The following ENTREP2 variants were observed in gnomAD, a reference collection of about 807,000 sequenced individuals.
ENTREP2 encodes protein ENTREP2.
chr15:29,649,736 A>AAAG, the ENTREP2 span, among the ~76,000 whole-genome samples: 1 of 151,562 alleles, frequency 6.6e-6, no homozygotes, highest in African/African-American at 2.4e-5. Flanking sequence ...ACAAAAAAAA[A>AAAG]AAAAAAAAAG....
the ENTREP2 span, chr15:29,269,579 A>T: frequency 6.5e-7 from 1 of 1,540,726 alleles, no homozygotes; most frequent in Non-Finnish European, 8.7e-7. Flanking sequence ...TCCTCGGCAA[A>T]GCCGTCTCTG....
the ENTREP2 span, among the ~76,000 whole-genome samples, chr15:29,277,309 T>C: frequency 6.6e-6 from 1 of 151,914 alleles, no homozygotes; most frequent in East Asian, 1.9e-4. Context: ...GTCACTGCAC[T>C]TTAGCCTGGG....
the ENTREP2 span, among the ~76,000 whole-genome samples, chr15:29,307,210 A>G: frequency 0.029 from 4,419 of 152,320 alleles, 204 homozygotes; most frequent in African/African-American, 0.1. Flanking sequence ...ATACAAAAAA[A>G]ATTGACAATT....
the ENTREP2 span, among the ~76,000 whole-genome samples, chr15:29,221,639 T>C: frequency 6.6e-6 from 1 of 152,198 alleles, no homozygotes. Flanking sequence ...CCTCCCTGTC[T>C]TGCCTTCGTC....
chr15:29,511,625 C>T, the ENTREP2 span, among the ~76,000 whole-genome samples: 36 of 152,028 alleles, frequency 2.4e-4, no homozygotes, highest in Non-Finnish European at 4.3e-4. Context: ...CCACACCCGA[C>T]TGAGAGTGTC....
the ENTREP2 span, among the ~76,000 whole-genome samples, chr15:29,434,772 A>G: frequency 6.6e-6 from 1 of 152,174 alleles, no homozygotes; most frequent in East Asian, 1.9e-4. Context: ...GGCAGTGCAC[A>G]TGGAGTCTCA....
At chr15:29,394,460 A>G in the ENTREP2 span, among the ~76,000 whole-genome samples, 1 of 152,226 alleles carries the variant, frequency 6.6e-6, no homozygotes, top group Non-Finnish European at 1.5e-5. Context: ...CACAATAGTT[A>G]TAAGTGGCTC....
chr15:29,148,153 A>C, the ENTREP2 span, among the ~76,000 whole-genome samples: 1 of 152,228 alleles, frequency 6.6e-6, no homozygotes, highest in Non-Finnish European at 1.5e-5. Context: ...GGAAGGAAAT[A>C]GGGTGACTGC....
At chr15:29,189,990 A>G in the ENTREP2 span, among the ~76,000 whole-genome samples, 6 of 152,160 alleles carry the variant, frequency 3.9e-5, no homozygotes, top group East Asian at 1.2e-3. Flanking sequence ...TAATTTTTAG[A>G]CCCTATTTCC....
chr15:29,640,648 TCAAA>T, the ENTREP2 span, among the ~76,000 whole-genome samples: 1 of 120,396 alleles, frequency 8.3e-6, no homozygotes, highest in Non-Finnish European at 1.6e-5. Context: ...AGGGCCTGTC[TCAAA>T]CAAAACAAAA....
the ENTREP2 span, among the ~76,000 whole-genome samples, chr15:29,238,707 C>T: frequency 2.3e-4 from 35 of 152,038 alleles, no homozygotes; most frequent in African/African-American, 7.7e-4. Context: ...CATCTGCTGC[C>T]GGGGAGGCCT....
the ENTREP2 span, among the ~76,000 whole-genome samples, chr15:29,595,208 G>A: frequency 8.6e-5 from 13 of 151,780 alleles, no homozygotes; most frequent in East Asian, 9.7e-4. Context: ...AGCTGAGTTC[G>A]CGCCACTACG....
the ENTREP2 span, among the ~76,000 whole-genome samples, chr15:29,298,079 G>A: frequency 6.6e-6 from 1 of 152,140 alleles, no homozygotes; most frequent in Non-Finnish European, 1.5e-5. Flanking sequence ...TCTGACAACC[G>A]TATAATTAAG....
the ENTREP2 span, among the ~76,000 whole-genome samples, chr15:29,143,009 T>C: frequency 6.6e-6 from 1 of 152,250 alleles, no homozygotes; most frequent in African/African-American, 2.4e-5. Flanking sequence ...TCATCAGTTC[T>C]GACAATAGGC....
the ENTREP2 span, among the ~76,000 whole-genome samples, chr15:29,506,880 G>A: frequency 6.6e-6 from 1 of 152,188 alleles, no homozygotes; most frequent in African/African-American, 2.4e-5. Context: ...GGATCTTAAT[G>A]ACAGGATCAA....
chr15:29,138,761 C>G, the ENTREP2 span, among the ~76,000 whole-genome samples: 1 of 151,740 alleles, frequency 6.6e-6, no homozygotes, highest in Non-Finnish European at 1.5e-5. Context: ...TCACCCTACA[C>G]AAGCAAGGAC....
the ENTREP2 span, among the ~76,000 whole-genome samples, chr15:29,572,921 C>T: frequency 6.6e-6 from 1 of 151,454 alleles, no homozygotes; most frequent in Non-Finnish European, 1.5e-5. Flanking sequence ...TGAGGGGTGC[C>T]CAAGTGAAAG....
the ENTREP2 span, among the ~76,000 whole-genome samples, chr15:29,564,656 T>A: frequency 4.1e-3 from 630 of 152,262 alleles, 4 homozygotes; most frequent in African/African-American, 0.015. Flanking sequence ...CAGACTTCCA[T>A]CCTACTTTAA....
At chr15:29,611,875 T>C in the ENTREP2 span, among the ~76,000 whole-genome samples, 2 of 152,216 alleles carry the variant, frequency 1.3e-5, no homozygotes, top group Non-Finnish European at 2.9e-5. Context: ...TCGTTGCCTT[T>C]AAACCAAGGC....
Sources: allele counts gnomAD v4.1 joint callset (sites outside exome capture counted in the v4.1 genomes callset), GRCh38; gene constraint gnomAD v4.1.1; transcripts MANE v1.5; gene names NCBI Gene and HGNC (gene_info 2026-07-23, HGNC 2026-07-21).